The following PRKCB variants were observed in gnomAD, a reference collection of about 807,000 sequenced individuals.
The protein encoded by PRKCB is protein kinase C beta, also known as protein kinase C beta type.
In PRKCB, 13 loss-of-function variants were observed where a neutral mutation model predicts 81.5. That is an observed-to-expected ratio of 0.16 (90% confidence interval 0.10 to 0.25). The LOEUF (loss-of-function observed/expected upper bound fraction) is 0.25, where lower values mean the gene tolerates loss of function less well. Ranked by LOEUF, PRKCB falls within the 10% of genes least tolerant of loss-of-function variation. The pLI, the probability that PRKCB is intolerant of heterozygous loss-of-function variation, is 1.00. For missense variants in PRKCB, 509 were observed against 875.7 expected (o/e 0.58, Z 5.29); for synonymous variants, 335 against 321.4 (o/e 1.04, Z -0.45).
chr16:23,859,871 G>GAGAGAGAGAGAGAA (rs1177464395), intron 2 of PRKCB, among the ~76,000 whole-genome samples: 1 of 150,314 alleles, frequency 6.7e-6, no homozygotes, highest in Admixed American at 6.6e-5. Flanking sequence ...AGCATTAGGA[G>GAGAGAGAGAGAGAA]AGAGAGAGAG....
chr16:23,962,251 A>G (rs1229491252), intron 2 of PRKCB, among the ~76,000 whole-genome samples: 5 of 152,058 alleles, frequency 3.3e-5, no homozygotes, highest in Non-Finnish European at 5.9e-5. Context: ...TCAGTGTGCC[A>G]CAACCCTCGC....
intron 7 of PRKCB, among the ~76,000 whole-genome samples, chr16:24,110,061 G>A (rs1025634761): frequency 2.8e-5 from 4 of 140,630 alleles, no homozygotes; most frequent in African/African-American, 5.9e-5. Flanking sequence ...GTCCAGCTTC[G>A]GCTCAGCATG....
intron 2 of PRKCB, among the ~76,000 whole-genome samples, chr16:23,942,900 A>G (rs548998719): frequency 7.9e-5 from 12 of 152,188 alleles, no homozygotes; most frequent in African/African-American, 2.9e-4. Flanking sequence ...CTTTGCTCTC[A>G]TTTCAGGAAA....
At chr16:23,938,219 C>T (rs543981325) in intron 2 of PRKCB, among the ~76,000 whole-genome samples, 1 of 152,114 alleles carries the variant, frequency 6.6e-6, no homozygotes, top group Non-Finnish European at 1.5e-5. Flanking sequence ...AATGCAGCTG[C>T]GTTTACAGAG....
At chr16:24,069,340 T>C (rs13336677) in intron 5 of PRKCB, among the ~76,000 whole-genome samples, 2,493 of 152,334 alleles carry the variant, frequency 0.016, 69 homozygotes, top group African/African-American at 0.056. Flanking sequence ...TAAGACTGAC[T>C]TCTTTCAGCT....
At chr16:23,930,793 A>T (rs143651833) in intron 2 of PRKCB, among the ~76,000 whole-genome samples, 69 of 152,266 alleles carry the variant, frequency 4.5e-4, no homozygotes, top group African/African-American at 1.7e-3. Context: ...CACGACACAT[A>T]GATAACATTT....
intron 16 of PRKCB, among the ~76,000 whole-genome samples, chr16:24,197,707 T>C (rs965866740): frequency 6.6e-6 from 1 of 152,034 alleles, no homozygotes; most frequent in Non-Finnish European, 1.5e-5. Flanking sequence ...GATAGGAGCT[T>C]GGGCAGGTTG....
intron 2 of PRKCB, among the ~76,000 whole-genome samples, chr16:23,912,613 A>G (rs1428904959): frequency 7.9e-6 from 1 of 126,034 alleles, no homozygotes; most frequent in Non-Finnish European, 1.6e-5. Context: ...CCTGGGTTCC[A>G]GCGATTCTCC....
intron 8 of PRKCB, among the ~76,000 whole-genome samples, chr16:24,114,789 A>G (rs556519386): frequency 6.6e-6 from 1 of 152,322 alleles, no homozygotes; most frequent in Admixed American, 6.5e-5. Context: ...AAAAATGTAT[A>G]TAATAGCATA....
At chr16:23,892,277 C>A (rs1276455453) in intron 2 of PRKCB, among the ~76,000 whole-genome samples, 2 of 152,162 alleles carry the variant, frequency 1.3e-5, no homozygotes, top group Non-Finnish European at 2.9e-5. Flanking sequence ...TGAAATAGCA[C>A]CCCCTTTGCT....
chr16:24,023,041 G>C (rs557188481), intron 3 of PRKCB, among the ~76,000 whole-genome samples: 23 of 152,296 alleles, frequency 1.5e-4, no homozygotes, highest in African/African-American at 4.6e-4. Flanking sequence ...GACTAGGGGA[G>C]GGATTGAGGC....
At chr16:23,984,240 T>C (rs1041735376) in intron 2 of PRKCB, among the ~76,000 whole-genome samples, 1 of 152,228 alleles carries the variant, frequency 6.6e-6, no homozygotes, top group Non-Finnish European at 1.5e-5. Flanking sequence ...ATGGTTGGCA[T>C]GGTTCTGGGC....
At chr16:23,952,875 G>T (rs1031270986) in intron 2 of PRKCB, among the ~76,000 whole-genome samples, 7 of 152,158 alleles carry the variant, frequency 4.6e-5, no homozygotes, top group African/African-American at 1.7e-4. Flanking sequence ...AGGAGCTATG[G>T]GAGTGTTTGG....
chr16:24,020,666 C>A (rs775918493), intron 3 of PRKCB, among the ~76,000 whole-genome samples: 2 of 152,180 alleles, frequency 1.3e-5, no homozygotes, highest in African/African-American at 4.8e-5. Flanking sequence ...AACTCTGGAG[C>A]CTGCGCTTGT....
chr16:24,053,314 T>A (rs993041293), intron 5 of PRKCB, among the ~76,000 whole-genome samples: 10 of 152,262 alleles, frequency 6.6e-5, no homozygotes, highest in Non-Finnish European at 2.9e-5. Context: ...AAACTTTTTC[T>A]GTGAAGGGCC....
chr16:24,116,640 A>G (rs1262377044), intron 8 of PRKCB, among the ~76,000 whole-genome samples: 2 of 152,206 alleles, frequency 1.3e-5, no homozygotes, highest in Admixed American at 1.3e-4. Flanking sequence ...AAGTGAACTG[A>G]AAAAAGAACC....
intron 9 of PRKCB, among the ~76,000 whole-genome samples, chr16:24,131,794 G>A (rs1280402210): frequency 6.6e-6 from 1 of 152,058 alleles, no homozygotes; most frequent in Non-Finnish European, 1.5e-5. Context: ...GAGTAATTTT[G>A]TTCTTGTACT....
intron 2 of PRKCB, among the ~76,000 whole-genome samples, chr16:23,869,702 G>C (rs186132227): frequency 1.9e-4 from 29 of 151,816 alleles, no homozygotes; most frequent in African/African-American, 6.8e-4. Context: ...TTTTATCATC[G>C]TATAAATAGA....
At chr16:24,032,820 C>G (rs1435195005) in intron 4 of PRKCB, among the ~76,000 whole-genome samples, 1 of 152,202 alleles carries the variant, frequency 6.6e-6, no homozygotes, top group Non-Finnish European at 1.5e-5. Flanking sequence ...TGCACAGTCA[C>G]AGTGTGGGAA....
Sources: gnomAD v4.1 joint callset for allele counts (sites outside exome capture counted in the v4.1 genomes callset) on GRCh38, gnomAD v4.1.1 for gene constraint, MANE v1.5 for transcripts, NCBI Gene and HGNC (gene_info 2026-07-23, HGNC 2026-07-21) for gene names.